Variants in DCDC1 observed in about 807,000 individuals in gnomAD.
DCDC1 encodes the protein doublecortin domain containing 1.
Under a neutral mutation model 178.3 loss-of-function variants are expected in DCDC1, and 200 were observed. The ratio of observed to expected loss-of-function variants is 1.12; its 90% CI spans 1.00 to 1.26. The LOEUF is 1.26. DCDC1 is among the 50% of genes most tolerant of loss of function. The pLI is 0.00. For synonymous variants in DCDC1, 690 were observed against 604.8 expected, an observed-to-expected ratio of 1.14 and a Z score of -2.07; for missense variants, 1,983 against 1,749.2, an observed-to-expected ratio of 1.13 and a Z score of -2.38.
chr11:31,260,124 C>T (rs1944684326), intron 8 of DCDC1, among the ~76,000 whole-genome samples: 1 of 152,128 alleles, frequency 6.6e-6, no homozygotes, highest in Non-Finnish European at 1.5e-5. Context: ...GGAGACATTC[C>T]AGCTCCAATC....
intron 20 of DCDC1, among the ~76,000 whole-genome samples, chr11:30,965,645 C>T (rs537466830): frequency 1.9e-4 from 28 of 146,600 alleles, no homozygotes; most frequent in African/African-American, 6.8e-4. Context: ...TACATGTGCA[C>T]ATTGTGCAGG....
intron 6 of DCDC1, among the ~76,000 whole-genome samples, chr11:31,299,203 A>T (rs1284278749): frequency 6.6e-6 from 1 of 152,204 alleles, no homozygotes; most frequent in Non-Finnish European, 1.5e-5. Context: ...CTTAAGTGTC[A>T]TCATTTATTG....
intron 20 of DCDC1, among the ~76,000 whole-genome samples, chr11:31,049,899 A>T (rs568424262): frequency 6.6e-6 from 1 of 152,280 alleles, no homozygotes; most frequent in Non-Finnish European, 1.5e-5. Flanking sequence ...CACCACAGGG[A>T]TCCATTGCGA....
intron 6 of DCDC1, among the ~76,000 whole-genome samples, chr11:31,298,190 C>T (rs1404480522): frequency 1.3e-5 from 2 of 152,088 alleles, no homozygotes; most frequent in Non-Finnish European, 2.9e-5. Flanking sequence ...TACCTTTTTC[C>T]CTTTGGACTG....
At position 30,987,467 on chromosome 11, in the gene DCDC1, T is replaced by C. The variant is rs561906657; in HGVS notation, c.2592-34899A>G. Among the ~76,000 whole-genome samples, 3 of 152,298 alleles carry C rather than the reference T, an allele frequency of 2.0e-5. No individual in the cohort carries two copies. The South Asian group carries it at 6.2e-4, about 32-fold the overall frequency. ...ACATTTTTACTGTTATCATGGAGCTTATAATTAATAAACAAATAAAGAATA... is the reference window on the plus strand; with the variant it reads ...ACATTTTTACTGTTATCATGGAGCTCATAATTAATAAACAAATAAAGAATA... On this transcript the variant is annotated intron_variant, in intron 20 of 38. Coordinates refer to ENST00000684477, the MANE Select transcript of DCDC1 (RefSeq NM_001387274.1).
At chr11:31,358,185 C>G (rs1332440324) in intron 1 of DCDC1, among the ~76,000 whole-genome samples, 1 of 151,794 alleles carries the variant, frequency 6.6e-6, no homozygotes. Context: ...TGACTTCAAA[C>G]TATACTACAA....
rs1453626081 is a variant in DCDC1, at chr11:31,104,955, G to A, written c.1752-1186C>T. 2.6e-5 allele frequency among the ~76,000 whole-genome samples: 4 copies of A among 151,798 alleles called. No individual in the cohort carries two copies. The East Asian group carries it at 7.7e-4, about 29-fold the overall frequency. ...AAAATAAAATATTCAAAATAGAAGCGGACATCGGCAAAAATCATCTTTTAC... is the reference window on the plus strand; with the variant it reads ...AAAATAAAATATTCAAAATAGAAGCAGACATCGGCAAAAATCATCTTTTAC... On this transcript the variant is annotated intron_variant, in intron 13 of 38. Coordinates refer to ENST00000684477, the MANE Select transcript of DCDC1 (RefSeq NM_001387274.1).
chr11:31,194,888 G>A lies in DCDC1; in HGVS notation c.1221+46562C>T, dbSNP rs115294302. On this transcript the variant is annotated intron_variant, in intron 9 of 38. Transcript: ENST00000684477. ...CAGAATATTTCCACAGATATTTACTGAGTATCATGTGTTCCCTAATTAAAC... is the reference window on the plus strand; with the variant it reads ...CAGAATATTTCCACAGATATTTACTAAGTATCATGTGTTCCCTAATTAAAC... 6.0e-3 allele frequency among the ~76,000 whole-genome samples: 911 copies of A among 152,152 alleles called. 12 individuals carry two copies. Among genetic ancestry groups the A allele is most frequent in the African/African-American group, 0.021 (876 of 41,520 alleles).
chr11:30,913,269 G>A (rs1030844707), intron 27 of DCDC1, among the ~76,000 whole-genome samples: 1 of 152,020 alleles, frequency 6.6e-6, no homozygotes, highest in Admixed American at 6.6e-5. Flanking sequence ...TTAGCTGGGC[G>A]TGGTGGCGGG....
chr11:31,006,909 A>C (rs977954998), intron 20 of DCDC1, among the ~76,000 whole-genome samples: 2 of 152,212 alleles, frequency 1.3e-5, no homozygotes, highest in African/African-American at 4.8e-5. Context: ...TTAGGTTTAG[A>C]ATCTTAGCTT....
At position 31,110,274 on chromosome 11, in the gene DCDC1, G is replaced by A. The variant is rs773130968; in HGVS notation, c.1573C>T (p.His525Tyr). The A allele has an allele frequency of 1.1e-5, 8 of 715,540 alleles. No individual in the cohort carries two copies. The Middle Eastern group carries it at 6.9e-4, about 61-fold the overall frequency. 44.3% of individuals were successfully genotyped at this position (715,540 alleles called of 1,614,324 possible). A position where few individuals can be genotyped will look rare whatever the true frequency, so the allele number is the denominator to read the frequency against. The change falls in exon 12 of 39, where the codon CAT (histidine) becomes TAT (tyrosine). Residue 525 changes from histidine (H) to tyrosine (Y), a missense_variant. Physicochemically the swap from His to Tyr is moderately conservative, Grantham distance 83. Coordinates refer to ENST00000684477, the MANE Select transcript of DCDC1 (RefSeq NM_001387274.1). Reference sequence around the variant, plus strand: ...AGTAAACTCACTCTTTCCATCATATGGTCAGTTTGAATTGGGCTATCCGAT... The same window carrying A: ...AGTAAACTCACTCTTTCCATCATATAGTCAGTTTGAATTGGGCTATCCGAT... ...LGSDSPIQTD[H>Y]MMERLLLKIH... is the part of the protein sequence containing the mutation.
chr11:30,960,334 A>T (rs1444865596), intron 20 of DCDC1, among the ~76,000 whole-genome samples: 1 of 152,128 alleles, frequency 6.6e-6, no homozygotes, highest in Non-Finnish European at 1.5e-5. Context: ...GGTCATGTTC[A>T]ACTTACACTG....
At chr11:30,931,466 T>G (rs998421492) in intron 22 of DCDC1, among the ~76,000 whole-genome samples, 1 of 152,102 alleles carries the variant, frequency 6.6e-6, no homozygotes, top group African/African-American at 2.4e-5. Flanking sequence ...GACACATTTA[T>G]AAAACTCAAA....
intron 9 of DCDC1, among the ~76,000 whole-genome samples, chr11:31,142,082 T>A (rs758966049): frequency 2.1e-4 from 32 of 152,230 alleles, no homozygotes; most frequent in Non-Finnish European, 2.1e-4. Context: ...CATTGCTGGC[T>A]GCCATTTATG....
chr11:31,233,402 G>A (rs1475443367), intron 9 of DCDC1, among the ~76,000 whole-genome samples: 2 of 152,210 alleles, frequency 1.3e-5, no homozygotes, highest in Non-Finnish European at 2.9e-5. Context: ...GAATTCTCCT[G>A]TATTTTCAAC....
intron 25 of DCDC1, among the ~76,000 whole-genome samples, chr11:30,919,515 T>C (rs1946091522): frequency 6.6e-6 from 1 of 152,156 alleles, no homozygotes; most frequent in South Asian, 2.1e-4. Context: ...TTTCTGTTTA[T>C]TTTTTTCCAA....
At chr11:30,890,867 T>C (rs1943713137) in intron 36 of DCDC1, among the ~76,000 whole-genome samples, 1 of 152,214 alleles carries the variant, frequency 6.6e-6, no homozygotes, top group South Asian at 2.1e-4. Flanking sequence ...ATGTGCTATA[T>C]AATTCATTTA....
At chr11:30,999,929 C>T (rs1328873691) in intron 20 of DCDC1, among the ~76,000 whole-genome samples, 3 of 152,108 alleles carry the variant, frequency 2.0e-5, no homozygotes, top group East Asian at 1.9e-4. Context: ...TGACTTGACT[C>T]GTTCTCCCCT....
At chr11:31,027,474 G>C (rs1953318612) in intron 20 of DCDC1, among the ~76,000 whole-genome samples, 1 of 151,708 alleles carries the variant, frequency 6.6e-6, no homozygotes, top group African/African-American at 2.4e-5. Flanking sequence ...TTTTCCAGGG[G>C]GTCAGAATGT....
Sources: allele counts gnomAD v4.1 joint callset (sites outside exome capture counted in the v4.1 genomes callset), GRCh38; gene constraint gnomAD v4.1.1; transcripts MANE v1.5; gene names NCBI Gene and HGNC (gene_info 2026-07-23, HGNC 2026-07-21).